Variants in UGP2 observed in about 807,000 individuals in gnomAD.
UGP2 encodes the protein UDP-glucose pyrophosphorylase 2.
In UGP2, 40 loss-of-function variants were observed where a neutral mutation model predicts 49.0. That is an observed-to-expected ratio of 0.82 (90% CI 0.63 to 1.06). The LOEUF is 1.06. Ranked by LOEUF, UGP2 falls within the 50% of genes least tolerant of loss-of-function variation. The pLI is 0.00. For synonymous variants in UGP2, 225 were observed against 213.0 expected (o/e 1.06, Z -0.49); for missense variants, 460 against 603.5 (o/e 0.76, Z 2.49).
At chr2:63,881,958 GA>G (rs1431207284) in intron 3 of UGP2, among the ~76,000 whole-genome samples, 1 of 152,230 alleles carries the variant, frequency 6.6e-6, no homozygotes, top group Non-Finnish European at 1.5e-5. Context: ...GCAAACTTAT[GA>G]CTGCATAGAG....
Position 63,856,448 on chromosome 2 carries a change from A to G in UGP2, c.147+15A>G, listed in dbSNP as rs200820878. ...ATGAATTTGAGGTAAGGAGGTTTCT[A>G]CAGTGTTCCACCCCCCCGCCCCTCC... On this transcript the variant is annotated intron_variant, in intron 2 of 9. Transcript: ENST00000337130. The G allele has an allele frequency of 1.9e-6, 3 of 1,604,926 alleles. No homozygotes were observed. Among genetic ancestry groups the G allele is most frequent in the East Asian group, 2.2e-5 (1 of 44,808 alleles).
intron 3 of UGP2, among the ~76,000 whole-genome samples, chr2:63,880,387 T>A (rs1005257167): frequency 6.6e-6 from 1 of 152,056 alleles, no homozygotes; most frequent in Non-Finnish European, 1.5e-5. Flanking sequence ...TTGCCCAGAC[T>A]AGTCTCAAAC....
intron 1 of UGP2, among the ~76,000 whole-genome samples, chr2:63,847,882 A>G (rs1011370922): frequency 5.3e-5 from 8 of 152,342 alleles, no homozygotes; most frequent in Non-Finnish European, 8.8e-5. Context: ...CAGGGGATGC[A>G]ATGGCTTGGC....
chr2:63,868,755 GATCAC>G (rs1455136798), intron 3 of UGP2, among the ~76,000 whole-genome samples: 4 of 152,192 alleles, frequency 2.6e-5, no homozygotes, highest in African/African-American at 9.6e-5. Context: ...GAGGCGGGCA[GATCAC>G]CTGAGGTCAG....
At chr2:63,847,834 A>G (rs1268529852) in intron 1 of UGP2, among the ~76,000 whole-genome samples, 2 of 152,188 alleles carry the variant, frequency 1.3e-5, no homozygotes, top group Admixed American at 6.5e-5. Context: ...GTGATTCTTC[A>G]GTTGCTTTAG....
chr2:63,851,973 T>G (rs1575805321), intron 1 of UGP2, among the ~76,000 whole-genome samples: 1 of 152,290 alleles, frequency 6.6e-6, no homozygotes, highest in East Asian at 1.9e-4. Flanking sequence ...ATACTATCTT[T>G]TCTCATGTAT....
upstream of UGP2, chr2:63,841,133 G>C (rs923979903): frequency 6.6e-6 from 1 of 152,204 alleles, no homozygotes; most frequent in Non-Finnish European, 1.5e-5. Context: ...GGAAGAGAGA[G>C]AGAGAGAAGG....
chr2:63,886,196 G>A (rs1671658890), intron 6 of UGP2, 145 bp from the exon 7 acceptor site: 4 of 877,134 alleles, frequency 4.6e-6, no homozygotes, highest in Admixed American at 4.8e-5. Context: ...GCATTTAAAT[G>A]TTATTTCATT....
intron 3 of UGP2, among the ~76,000 whole-genome samples, chr2:63,879,962 G>A (rs1671179673): frequency 6.6e-6 from 1 of 152,248 alleles, no homozygotes; most frequent in South Asian, 2.1e-4. Context: ...TCACATCCTT[G>A]TGAGACCTCT....
At chr2:63,890,579 C>G (rs1296154825) in intron 9 of UGP2, among the ~76,000 whole-genome samples, 1 of 152,072 alleles carries the variant, frequency 6.6e-6, no homozygotes, top group Non-Finnish European at 1.5e-5. Context: ...TTTTCCAAAT[C>G]ATGTAATTTT....
chr2:63,842,143 GAAA>G lies in UGP2; in HGVS notation c.-30_-28del, dbSNP rs78573846. On this transcript the variant is annotated 5_prime_UTR_variant, in exon 1 of 10. Transcript: ENST00000337130. The stretch of plus-strand genomic sequence containing the variant: ...CCTGCCCTGTAGCGTGACTCCTCTA[GAAA>G]AAAAAAAAAAAAGCCGGAGTATTTT... 133 of 1,460,174 alleles carry G rather than the reference GAAA, an allele frequency of 9.1e-5. No homozygotes were observed. The highest frequency in any genetic ancestry group is 2.2e-4 in the South Asian group (17 of 78,068). 90.5% of individuals were successfully genotyped at this position (1,460,174 alleles called of 1,614,324 possible).
intron 3 of UGP2, among the ~76,000 whole-genome samples, chr2:63,860,633 C>T (rs1240314499): frequency 6.6e-6 from 1 of 151,952 alleles, no homozygotes; most frequent in African/African-American, 2.4e-5. Flanking sequence ...CTTGTTCTGT[C>T]ACTCAGGCTG....
At chr2:63,882,397 T>C in intron 3 of UGP2, 69 bp from the exon 4 acceptor site, 1 of 1,318,924 alleles carries the variant, frequency 7.6e-7, no homozygotes, top group Non-Finnish European at 1.0e-6. Flanking sequence ...GAAATAACCC[T>C]GGGATTGATA....
rs535974433 is a variant in UGP2, at chr2:63,856,514, A to G, written c.147+81A>G. On this transcript the variant is annotated intron_variant, in intron 2 of 9. Coordinates refer to ENST00000337130, the MANE Select transcript of UGP2 (RefSeq NM_006759.4). ...TGCTGAGTTGCTGCCGGTGATGATG[A>G]TAATCATCACCTCAAATCAGCACAA... 44 of 1,446,458 alleles carry G rather than the reference A, an allele frequency of 3.0e-5. No individual in the cohort carries two copies. The South Asian group carries it at 5.4e-4, about 18-fold the overall frequency. 89.6% of individuals were successfully genotyped at this position (1,446,458 alleles called of 1,614,324 possible).
intron 9 of UGP2, 42 bp downstream of exon 9, chr2:63,890,227 A>G (rs953776564): frequency 7.0e-7 from 1 of 1,419,946 alleles, no homozygotes; most frequent in Non-Finnish European, 9.7e-7. Flanking sequence ...ACAGCTTACA[A>G]TATAGGTCTC....
chr2:63,850,565 A>G (rs532750580), intron 1 of UGP2, among the ~76,000 whole-genome samples: 2 of 152,370 alleles, frequency 1.3e-5, no homozygotes, highest in Admixed American at 1.3e-4. Context: ...TTTAATCTCT[A>G]AAGTTAGTGA....
chr2:63,846,244 G>A (rs959297630), intron 1 of UGP2: 3 of 152,172 alleles, frequency 2.0e-5, no homozygotes, highest in Non-Finnish European at 4.4e-5. Flanking sequence ...TACCAGGGGC[G>A]GGGGTCATCA....
At chr2:63,865,265 G>GT (rs1371898384) in intron 3 of UGP2, among the ~76,000 whole-genome samples, 2 of 152,210 alleles carry the variant, frequency 1.3e-5, no homozygotes, top group Non-Finnish European at 2.9e-5. Flanking sequence ...TAGGGTAAAT[G>GT]TAAGAGGCCG....
At chr2:63,857,754 A>C in intron 2 of UGP2, 75 bp from the exon 3 acceptor site, 2 of 1,388,462 alleles carry the variant, frequency 1.4e-6, no homozygotes, top group South Asian at 2.5e-5. Flanking sequence ...TAAATGTGTA[A>C]CTTGTATCTG....
Sources: gnomAD v4.1 joint callset for allele counts (sites outside exome capture counted in the v4.1 genomes callset) on GRCh38, gnomAD v4.1.1 for gene constraint, MANE v1.5 for transcripts, NCBI Gene and HGNC (gene_info 2026-07-23, HGNC 2026-07-21) for gene names.